The following PRKCA variants were observed in gnomAD, a reference collection of about 807,000 sequenced individuals.
PRKCA encodes the protein protein kinase C alpha.
PRKCA carries 27 observed loss-of-function variants against 87.0 expected under a neutral mutation model. The observed-to-expected ratio is 0.31, with a 90% CI of 0.23 to 0.43. The LOEUF (loss-of-function observed/expected upper bound fraction) is 0.43, where lower values mean the gene tolerates loss of function less well. Among genes scored for constraint, PRKCA ranks in the 20% least tolerant of loss-of-function variants. PRKCA has a pLI of 1.00. For synonymous variants in PRKCA, 329 were observed against 311.1 expected (o/e 1.06, Z -0.61); for missense variants, 518 against 852.3 (o/e 0.61, Z 4.88).
intron 2 of PRKCA, among the ~76,000 whole-genome samples, chr17:66,484,354 A>G (rs889245069): frequency 6.6e-6 from 1 of 152,174 alleles, no homozygotes; most frequent in African/African-American, 2.4e-5. Context: ...TGACATTTTT[A>G]TTTGCCAATT....
rs554080350 is a variant in PRKCA at position 66,388,648 on chromosome 17, G to C, written c.205+82521G>C. On this transcript the variant is annotated intron_variant, in intron 2 of 16. Transcript: ENST00000413366. ...TCTTGGAGAATTTGGGGAAAAGTAT[G>C]GGCCTCTCCACACCATAAGTATACA... Among the ~76,000 whole-genome samples the C allele has an allele frequency of 5.9e-5, 9 of 152,242 alleles. No individual in the cohort carries two copies. In the East Asian group the frequency reaches 1.7e-3, roughly 29 times the overall value.
At chr17:66,364,692 G>A (rs1299066088) in intron 2 of PRKCA, among the ~76,000 whole-genome samples, 1 of 152,104 alleles carries the variant, frequency 6.6e-6, no homozygotes, top group African/African-American at 2.4e-5. Context: ...TATGGTTTTC[G>A]CCTGATTTGG....
At chr17:66,467,901 A>C (rs1048674313) in intron 2 of PRKCA, among the ~76,000 whole-genome samples, 4 of 152,198 alleles carry the variant, frequency 2.6e-5, no homozygotes, top group South Asian at 2.1e-4. Context: ...AAAAAAAAAA[A>C]CAACAGAAAA....
intron 3 of PRKCA, among the ~76,000 whole-genome samples, chr17:66,516,736 A>G (rs1432852582): frequency 1.3e-5 from 2 of 152,180 alleles, no homozygotes; most frequent in African/African-American, 4.8e-5. Flanking sequence ...GACCACTGAC[A>G]AGGCGTTATC....
At chr17:66,644,442 A>G (rs187354652) in intron 4 of PRKCA, among the ~76,000 whole-genome samples, 152 of 152,292 alleles carry the variant, frequency 1.0e-3, no homozygotes, top group African/African-American at 3.6e-3. Flanking sequence ...TACAAGGGTG[A>G]TCGAGCTGGA....
intron 2 of PRKCA, among the ~76,000 whole-genome samples, chr17:66,445,129 C>T (rs1913968029): frequency 6.6e-6 from 1 of 152,178 alleles, no homozygotes; most frequent in Non-Finnish European, 1.5e-5. Flanking sequence ...CAGTCAAATG[C>T]TCTACCCCTG....
intron 3 of PRKCA, among the ~76,000 whole-genome samples, chr17:66,618,602 A>G (rs2143680126): frequency 6.6e-6 from 1 of 152,324 alleles, no homozygotes; most frequent in East Asian, 1.9e-4. Context: ...GGGACATTGA[A>G]TAGCTCTGTG....
intron 2 of PRKCA, among the ~76,000 whole-genome samples, chr17:66,455,733 C>T (rs1285536099): frequency 6.6e-6 from 1 of 152,150 alleles, no homozygotes; most frequent in Non-Finnish European, 1.5e-5. Flanking sequence ...AACTTCAGTG[C>T]CTGCCTGCCT....
At chr17:66,336,754 T>TG (rs1906705828) in intron 2 of PRKCA, among the ~76,000 whole-genome samples, 2 of 133,664 alleles carry the variant, frequency 1.5e-5, no homozygotes, top group African/African-American at 2.8e-5. Context: ...GCAAATAAGT[T>TG]TGTGTGTGTG....
At chr17:66,538,292 G>A (rs957108598) in intron 3 of PRKCA, among the ~76,000 whole-genome samples, 1 of 152,112 alleles carries the variant, frequency 6.6e-6, no homozygotes, top group Non-Finnish European at 1.5e-5. Context: ...TCTGCAAAAT[G>A]GGAGACTAGC....
chr17:66,602,430 C>G (rs960536076), intron 3 of PRKCA, among the ~76,000 whole-genome samples: 1 of 149,452 alleles, frequency 6.7e-6, no homozygotes, highest in Non-Finnish European at 1.5e-5. Flanking sequence ...CTTCGGCTCG[C>G]GCACGGTGCG....
intron 2 of PRKCA, among the ~76,000 whole-genome samples, chr17:66,489,697 G>A (rs1220448898): frequency 2.0e-5 from 3 of 151,948 alleles, no homozygotes; most frequent in Non-Finnish European, 1.5e-5. Flanking sequence ...TAGAATGGAA[G>A]CAAATTCATT....
chr17:66,677,351 A>T (rs940872490), intron 5 of PRKCA: 1 of 152,340 alleles, frequency 6.6e-6, no homozygotes, highest in Non-Finnish European at 1.5e-5. Context: ...AAGTGCTAAG[A>T]TTACAGGCGT....
At chr17:66,615,752 C>G (rs1168703661) in intron 3 of PRKCA, among the ~76,000 whole-genome samples, 10 of 152,132 alleles carry the variant, frequency 6.6e-5, no homozygotes, top group African/African-American at 2.2e-4. Flanking sequence ...CGTCGGCAGT[C>G]ACCACCTTGG....
At chr17:66,441,162 CAAAAAAAAA>C (rs199828612) in intron 2 of PRKCA, among the ~76,000 whole-genome samples, 26 of 107,246 alleles carry the variant, frequency 2.4e-4, no homozygotes, top group Admixed American at 7.6e-4. Flanking sequence ...ACTCTGTCTC[CAAAAAAAAA>C]AAAAAAAAAA....
At chr17:66,732,116 A>G (rs1251164481) in intron 8 of PRKCA, among the ~76,000 whole-genome samples, 11 of 103,214 alleles carry the variant, frequency 1.1e-4, no homozygotes, top group Non-Finnish European at 2.1e-4. Flanking sequence ...TTGATTTAAA[A>G]GAAAAAAAAA....
intron 3 of PRKCA, among the ~76,000 whole-genome samples, chr17:66,573,555 C>T (rs868863193): frequency 6.6e-5 from 10 of 152,264 alleles, no homozygotes; most frequent in African/African-American, 1.7e-4. Flanking sequence ...GCTGCATGCT[C>T]ATTACAGGAA....
intron 2 of PRKCA, among the ~76,000 whole-genome samples, chr17:66,479,356 A>G (rs1915675740): frequency 1.3e-5 from 2 of 152,218 alleles, no homozygotes; most frequent in South Asian, 2.1e-4. Context: ...AAAAAATATT[A>G]GATGCTGGTG....
intron 3 of PRKCA, among the ~76,000 whole-genome samples, chr17:66,562,353 A>G (rs1037743228): frequency 1.3e-5 from 2 of 151,674 alleles, no homozygotes; most frequent in Admixed American, 1.3e-4. Flanking sequence ...TGAAGTCTAC[A>G]GGATTTTTGC....
Sources: allele counts gnomAD v4.1 joint callset (sites outside exome capture counted in the v4.1 genomes callset), GRCh38; gene constraint gnomAD v4.1.1; transcripts MANE v1.5; gene names NCBI Gene and HGNC (gene_info 2026-07-23, HGNC 2026-07-21).